ERC1: variants seen among roughly 807,000 people sequenced by gnomAD.
The protein encoded by ERC1 is RAB6 interacting protein 2.
Under a neutral mutation model 132.0 loss-of-function variants are expected in ERC1, and 56 were observed. The ratio of observed to expected loss-of-function variants is 0.42; its 90% CI spans 0.34 to 0.53. ERC1 has a LOEUF of 0.53. Among genes scored for constraint, ERC1 ranks in the 20% least tolerant of loss-of-function variants. The probability of loss-of-function intolerance (pLI) is 0.03; values close to 1 mark genes in which losing one functional copy is unlikely to be tolerated. For synonymous variants in ERC1, 478 were observed against 476.1 expected (o/e 1.00, Z -0.05); for missense variants, 1,202 against 1,349.9 (o/e 0.89, Z 1.72).
chr12:1,030,878 T>C (rs1350693495), intron 2 of ERC1, among the ~76,000 whole-genome samples: 1 of 152,208 alleles, frequency 6.6e-6, no homozygotes, highest in Non-Finnish European at 1.5e-5. Context: ...CTAGAAGCAG[T>C]AGGCTATATC....
intron 2 of ERC1, among the ~76,000 whole-genome samples, chr12:1,081,455 G>C (rs1435369729): frequency 6.6e-6 from 1 of 152,124 alleles, no homozygotes; most frequent in Admixed American, 6.5e-5. Flanking sequence ...AATCTGCTCT[G>C]TTTTTGCTAC....
chr12:1,065,047 C>G (rs1465501081), intron 2 of ERC1, among the ~76,000 whole-genome samples: 1 of 151,946 alleles, frequency 6.6e-6, no homozygotes, highest in Non-Finnish European at 1.5e-5. Flanking sequence ...GTTGCCCAGG[C>G]TGGAGTGCAG....
chr12:1,390,383 C>T (rs2089845766), intron 16 of ERC1, among the ~76,000 whole-genome samples: 1 of 151,906 alleles, frequency 6.6e-6, no homozygotes, highest in South Asian at 2.1e-4. Flanking sequence ...TACCAACTGT[C>T]TATTAATATT....
intron 6 of ERC1, among the ~76,000 whole-genome samples, chr12:1,114,834 ATACT>A (rs146500818): frequency 0.043 from 6,516 of 152,290 alleles, 457 homozygotes; most frequent in African/African-American, 0.15. Flanking sequence ...TATGAGAAAA[ATACT>A]TAATCTTTTT....
intron 12 of ERC1, among the ~76,000 whole-genome samples, chr12:1,215,482 C>A (rs566153513): frequency 6.6e-6 from 1 of 152,218 alleles, no homozygotes; most frequent in South Asian, 2.1e-4. Flanking sequence ...GAATTGCATT[C>A]AATTTGGGAA....
At chr12:1,023,890 G>A (rs1966721076) in intron 1 of ERC1, among the ~76,000 whole-genome samples, 1 of 152,200 alleles carries the variant, frequency 6.6e-6, no homozygotes, top group Admixed American at 6.5e-5. Context: ...CTCTGGAGAA[G>A]CCAGAGGGAA....
intron 17 of ERC1, among the ~76,000 whole-genome samples, chr12:1,419,864 C>A (rs1454039828): frequency 1.7e-4 from 23 of 136,846 alleles, no homozygotes; most frequent in African/African-American, 4.5e-4. Context: ...GATTTTCTGG[C>A]AAAAAAAAAA....
At chr12:1,245,266 A>T (rs1010086969) in intron 13 of ERC1, among the ~76,000 whole-genome samples, 26 of 146,536 alleles carry the variant, frequency 1.8e-4, no homozygotes, top group African/African-American at 6.3e-4. Flanking sequence ...AGAGATTACT[A>T]TTCTGACTTT....
At chr12:1,031,010 C>T (rs533372657) in intron 2 of ERC1, among the ~76,000 whole-genome samples, 41 of 152,298 alleles carry the variant, frequency 2.7e-4, no homozygotes, top group Non-Finnish European at 5.3e-4. Flanking sequence ...CAACATATGA[C>T]TGTAAATCTA....
At chr12:1,228,334 C>T (rs2074755017) in intron 12 of ERC1, among the ~76,000 whole-genome samples, 1 of 152,182 alleles carries the variant, frequency 6.6e-6, no homozygotes, top group African/African-American at 2.4e-5. Context: ...TTTTAGTGTA[C>T]AAATCTTTCA....
chr12:1,457,883 AC>A (rs1005408727), intron 18 of ERC1, among the ~76,000 whole-genome samples: 1 of 152,102 alleles, frequency 6.6e-6, no homozygotes, highest in African/African-American at 2.4e-5. Context: ...ACAGAGCGAG[AC>A]CCTGTCTCAA....
At chr12:1,332,434 G>A (rs954577943) in intron 15 of ERC1, among the ~76,000 whole-genome samples, 6 of 152,056 alleles carry the variant, frequency 3.9e-5, no homozygotes, top group South Asian at 2.1e-4. Flanking sequence ...GGTTTTTCAC[G>A]TATTAGTCAA....
chr12:1,145,269 G>A (rs995583125), intron 8 of ERC1, among the ~76,000 whole-genome samples: 27 of 152,012 alleles, frequency 1.8e-4, no homozygotes, highest in Non-Finnish European at 3.4e-4. Flanking sequence ...CACCCGCCTC[G>A]GCCTCCCAAA....
chr12:1,051,529 CAAAAAAAAAAA>C lies in ERC1; in HGVS notation c.669+22972_669+22982del, dbSNP rs35353366. Among the ~76,000 whole-genome samples the C allele has an allele frequency of 3.8e-4, 48 of 127,706 alleles. 1 individual carries two copies. The South Asian group carries it at 9.6e-3, about 25-fold the overall frequency. The allele number at this position is 127,706 out of a possible 152,430, so 83.8% of individuals were successfully genotyped here. On this transcript the variant is annotated intron_variant, in intron 2 of 18. Coordinates refer to ENST00000360905, the MANE Select transcript of ERC1 (RefSeq NM_178040.4). ...ACATAGCAAGGCCTCGTCTCTACCC[CAAAAAAAAAAA>C]AAAAAAAAAAAAAAGGGCAGAAGAA...
intron 2 of ERC1, among the ~76,000 whole-genome samples, chr12:1,056,426 C>T (rs1456926737): frequency 2.0e-5 from 3 of 151,844 alleles, no homozygotes; most frequent in Admixed American, 6.6e-5. Context: ...GAGCTCTCTG[C>T]GACAGAGATG....
At chr12:1,104,658 T>G in intron 3 of ERC1, 92 bp from the exon 4 acceptor site, 1 of 857,318 alleles carries the variant, frequency 1.2e-6, no homozygotes. Context: ...AAGGCTGTAG[T>G]GATCTTTTGC....
intron 17 of ERC1, among the ~76,000 whole-genome samples, chr12:1,435,899 A>G (rs1198549574): frequency 6.6e-6 from 1 of 152,116 alleles, no homozygotes; most frequent in Non-Finnish European, 1.5e-5. Flanking sequence ...GGTAATAGCT[A>G]ACTCTTCTTC....
intron 12 of ERC1, among the ~76,000 whole-genome samples, chr12:1,225,898 A>T (rs1219731748): frequency 6.6e-6 from 1 of 152,190 alleles, no homozygotes; most frequent in Non-Finnish European, 1.5e-5. Flanking sequence ...TAGTAAATGA[A>T]TGTTAGGAGG....
chr12:1,274,460 G>A (rs767705078), intron 14 of ERC1, among the ~76,000 whole-genome samples: 4 of 148,844 alleles, frequency 2.7e-5, no homozygotes, highest in Admixed American at 1.3e-4. Context: ...AAAGCATCTC[G>A]TCTATTTTAT....
Sources: gnomAD v4.1 joint callset for allele counts (sites outside exome capture counted in the v4.1 genomes callset) on GRCh38, gnomAD v4.1.1 for gene constraint, MANE v1.5 for transcripts, NCBI Gene and HGNC (gene_info 2026-07-23, HGNC 2026-07-21) for gene names.